Variants in ZSCAN2 observed in about 807,000 individuals in gnomAD.
The protein encoded by ZSCAN2 is zinc finger and SCAN domain containing 2.
ZSCAN2 carries 26 observed loss-of-function variants against 47.8 expected under a neutral mutation model. That is an observed-to-expected ratio of 0.54 (90% confidence interval 0.40 to 0.75). The LOEUF is 0.75. Among genes scored for constraint, ZSCAN2 ranks in the 30% least tolerant of loss-of-function variants. ZSCAN2 has a pLI of 0.00. For synonymous variants in ZSCAN2, 305 were observed against 288.7 expected, an observed-to-expected ratio of 1.06 and a Z score of -0.57; for missense variants, 732 against 785.4, an observed-to-expected ratio of 0.93 and a Z score of 0.81.
chr15:84,614,543 C>T (rs916644671), intron 2 of ZSCAN2: 1 of 152,198 alleles, frequency 6.6e-6, no homozygotes, highest in Non-Finnish European at 1.5e-5. Context: ...TAGGTGTTCA[C>T]CCCTCTAGCA....
intron 2 of ZSCAN2, among the ~76,000 whole-genome samples, chr15:84,620,355 T>G (rs769918450): frequency 5.9e-5 from 9 of 152,218 alleles, no homozygotes; most frequent in Non-Finnish European, 4.4e-5. Context: ...GATGGGCATT[T>G]GGGTTGATTC....
At chr15:84,611,200 G>C (rs963448269) in intron 2 of ZSCAN2, among the ~76,000 whole-genome samples, 1 of 152,110 alleles carries the variant, frequency 6.6e-6, no homozygotes, top group Non-Finnish European at 1.5e-5. Context: ...GGGAGGCTAA[G>C]TTAGGAGAAT....
intron 2 of ZSCAN2, chr15:84,606,724 A>G: frequency 7.0e-7 from 1 of 1,424,092 alleles, no homozygotes; most frequent in Non-Finnish European, 9.1e-7. Context: ...CTTCCCATCC[A>G]CCTTGCAGCA....
chr15:84,621,848 C>T lies in ZSCAN2; in HGVS notation c.1653C>T (p.Ala551=). The T allele has an allele frequency of 6.2e-7, 1 of 1,614,150 alleles. No homozygotes were observed. The highest frequency in any genetic ancestry group is 8.5e-7 in the Non-Finnish European group (1 of 1,180,024). The change falls in exon 3 of 3, where the codon GCC becomes GCT. Residue 551 remains alanine (A), a synonymous_variant. Transcript: ENST00000546148. The surrounding 1 kb of genome is among the most constrained non-coding windows in gnomAD (Gnocchi z 5.7). ...RGSILVMHQR[A]HLGDKPYRCP... ...CCATTCTGGTCATGCACCAGAGAGC[C>T]CATTTGGGAGACAAGCCCTACAGGT...
Position 84,622,865 on chromosome 15 carries a change from C to T in ZSCAN2, c.*825C>T, listed in dbSNP as rs1217187864. On this transcript the variant is annotated 3_prime_UTR_variant, in exon 3 of 3. Coordinates refer to ENST00000546148, the MANE Select transcript of ZSCAN2 (RefSeq NM_181877.4). ...TTGTCCTGGAGAGTGTAGTGAAGTCCGAGAGCCCTAGCTGCCAACCCATGG... is the reference window on the plus strand; with the variant it reads ...TTGTCCTGGAGAGTGTAGTGAAGTCTGAGAGCCCTAGCTGCCAACCCATGG... 2.0e-5 allele frequency: 12 copies of T among 591,424 alleles called. No homozygotes were observed. Among genetic ancestry groups the T allele is most frequent in the South Asian group, 6.5e-5 (3 of 46,468 alleles). 36.6% of individuals were successfully genotyped at this position (591,424 alleles called of 1,614,324 possible).
At chr15:84,616,114 G>C (rs866314641) in intron 2 of ZSCAN2, among the ~76,000 whole-genome samples, 4 of 152,114 alleles carry the variant, frequency 2.6e-5, no homozygotes, top group Non-Finnish European at 4.4e-5. Flanking sequence ...GTGTGCACCT[G>C]TAATTCCAGC....
chr15:84,604,744 T>C (rs1268638334), intron 2 of ZSCAN2, among the ~76,000 whole-genome samples: 2 of 146,678 alleles, frequency 1.4e-5, no homozygotes, highest in African/African-American at 5.0e-5. Context: ...TTTTCTTTTT[T>C]TTTTTTTTTT....
At chr15:84,614,480 A>G (rs1895642040) in intron 2 of ZSCAN2, 1 of 152,176 alleles carries the variant, frequency 6.6e-6, no homozygotes, top group African/African-American at 2.4e-5. Flanking sequence ...CAAGCTCTTT[A>G]ATCACCCCAG....
intron 2 of ZSCAN2, chr15:84,606,804 T>C (rs1895396194): frequency 2.3e-6 from 3 of 1,298,318 alleles, no homozygotes; most frequent in Non-Finnish European, 2.9e-6. Flanking sequence ...CCCAGACACA[T>C]GGGTTTGTCT....
At chr15:84,601,393 C>T (rs1038670343) in intron 1 of ZSCAN2, among the ~76,000 whole-genome samples, 1 of 152,096 alleles carries the variant, frequency 6.6e-6, no homozygotes, top group African/African-American at 2.4e-5. Flanking sequence ...AAGGGGCATT[C>T]GACGACATCC....
At chr15:84,617,483 T>G (rs925655267) in intron 2 of ZSCAN2, among the ~76,000 whole-genome samples, 3 of 152,116 alleles carry the variant, frequency 2.0e-5, no homozygotes, top group Non-Finnish European at 2.9e-5. Flanking sequence ...AATTCCTGGT[T>G]CTGCCGAGTC....
chr15:84,604,400 C>A (rs933627641), intron 2 of ZSCAN2, 67 bp downstream of exon 2: 1 of 1,524,190 alleles, frequency 6.6e-7, no homozygotes, highest in Non-Finnish European at 8.8e-7. Flanking sequence ...TGTGGTGTTT[C>A]GGAGGAGGAG....
In ZSCAN2 at chr15:84,621,977, C is replaced by T. The variant is rs1429210036; in HGVS notation, c.1782C>T (p.Gly594=). Residue 594 remains glycine (G), a synonymous_variant, in exon 3 of 3, where the codon GGC becomes GGT. Transcript: ENST00000546148. This position sits in a 1 kb window ranked among gnomAD's most constrained non-coding sequence, Gnocchi z 5.7. ...ACAAATGCCCCGAGTGTGGCAAAGG[C>T]TTCAGCAACAGCTCTAACTTTATCA... is the stretch of plus-strand genomic sequence containing the variant. The part of the protein sequence containing the change: ...KPYKCPECGK[G]FSNSSNFITH... 2.5e-6 allele frequency: 4 copies of T among 1,614,132 alleles called. No individual in the cohort carries two copies. In the East Asian group the frequency reaches 6.7e-5, roughly 27 times the overall value.
chr15:84,613,672 ATCTT>A (rs1373773201), intron 2 of ZSCAN2, among the ~76,000 whole-genome samples: 1 of 89,974 alleles, frequency 1.1e-5, no homozygotes, highest in East Asian at 3.6e-4. Flanking sequence ...TTAGTCAGTA[ATCTT>A]TCTTTTTTTT....
At chr15:84,616,925 C>A (rs778184092) in intron 2 of ZSCAN2, among the ~76,000 whole-genome samples, 3 of 152,052 alleles carry the variant, frequency 2.0e-5, no homozygotes, top group Non-Finnish European at 1.5e-5. Flanking sequence ...AAGTTCGAGA[C>A]CTGCCTGACC....
chr15:84,619,921 G>C (rs1895776999), intron 2 of ZSCAN2, among the ~76,000 whole-genome samples: 1 of 125,330 alleles, frequency 8.0e-6, no homozygotes, highest in African/African-American at 3.4e-5. Context: ...AAATAAGCCT[G>C]GGTTGGTTTT....
chr15:84,607,217 A>T (rs1374457891), intron 2 of ZSCAN2, among the ~76,000 whole-genome samples: 1 of 152,064 alleles, frequency 6.6e-6, no homozygotes, highest in East Asian at 1.9e-4. Flanking sequence ...GGAGTTTCTC[A>T]CCTGAATTCT....
chr15:84,608,032 C>T (rs970731894), intron 2 of ZSCAN2, among the ~76,000 whole-genome samples: 2 of 152,146 alleles, frequency 1.3e-5, no homozygotes. Context: ...GGCTTTTTAT[C>T]ATAGTTCACC....
intron 2 of ZSCAN2, among the ~76,000 whole-genome samples, chr15:84,620,061 C>G (rs947209894): frequency 6.6e-6 from 1 of 151,950 alleles, no homozygotes; most frequent in African/African-American, 2.4e-5. Context: ...GGTATTAAGC[C>G]CAGCATCCAT....
Sources: allele counts gnomAD v4.1 joint callset (sites outside exome capture counted in the v4.1 genomes callset), GRCh38; gene constraint gnomAD v4.1.1; non-coding constraint Gnocchi (gnomAD v3.1); transcripts MANE v1.5; gene names NCBI Gene and HGNC (gene_info 2026-07-23, HGNC 2026-07-21).